The following NTM variants were observed in gnomAD, a reference collection of about 807,000 sequenced individuals.
The protein encoded by NTM is neurotrimin.
A neutral mutation model predicts 42.1 loss-of-function variants in NTM; 13 were observed. The ratio of observed to expected loss-of-function variants is 0.31; its 90% CI spans 0.20 to 0.49. NTM has a LOEUF of 0.49. NTM is among the 20% of genes least tolerant of loss of function. The pLI is 0.99. For synonymous variants in NTM, 187 were observed against 179.2 expected (o/e 1.04, Z -0.35); for missense variants, 373 against 452.8 (o/e 0.82, Z 1.60).
intron 1 of NTM, among the ~76,000 whole-genome samples, chr11:131,615,733 G>T (rs113820846): frequency 3.9e-5 from 6 of 152,122 alleles, no homozygotes; most frequent in African/African-American, 1.2e-4. Context: ...CATGGCTCCC[G>T]TCAGCTCCCA....
intron 3 of NTM, among the ~76,000 whole-genome samples, chr11:132,169,991 A>G (rs139972765): frequency 2.0e-4 from 30 of 152,218 alleles, no homozygotes; most frequent in African/African-American, 7.2e-4. Flanking sequence ...AAAAGAGTGA[A>G]TTTGATTCGC....
chr11:131,976,865 C>T (rs1390753700), intron 2 of NTM, among the ~76,000 whole-genome samples: 1 of 152,174 alleles, frequency 6.6e-6, no homozygotes, highest in East Asian at 1.9e-4. Flanking sequence ...CTCCGGAGCA[C>T]AGGTACATTT....
intron 2 of NTM, among the ~76,000 whole-genome samples, chr11:132,082,789 G>A (rs2059249904): frequency 6.6e-6 from 1 of 152,230 alleles, no homozygotes; most frequent in South Asian, 2.1e-4. Flanking sequence ...TGGGGCCATT[G>A]TTCAAGGCTC....
At chr11:132,047,944 C>T (rs2078247939) in intron 2 of NTM, among the ~76,000 whole-genome samples, 1 of 152,122 alleles carries the variant, frequency 6.6e-6, no homozygotes, top group Non-Finnish European at 1.5e-5. Context: ...CCTTCAATCC[C>T]TAATGCCCTC....
At chr11:132,044,961 A>G (rs957821988) in intron 2 of NTM, among the ~76,000 whole-genome samples, 2 of 152,236 alleles carry the variant, frequency 1.3e-5, no homozygotes, top group Admixed American at 1.3e-4. Context: ...AAGAAGAGAT[A>G]GTACCATTCC....
chr11:132,068,289 A>G (rs1019095961), intron 2 of NTM, among the ~76,000 whole-genome samples: 4 of 152,224 alleles, frequency 2.6e-5, no homozygotes, highest in African/African-American at 4.8e-5. Context: ...ACATTTTACT[A>G]TAAGCAGAAA....
At chr11:131,751,506 C>T (rs551042845) in intron 1 of NTM, among the ~76,000 whole-genome samples, 2 of 151,442 alleles carry the variant, frequency 1.3e-5, no homozygotes, top group East Asian at 2.0e-4. Context: ...AGGAGAATGG[C>T]GTGAACCTGG....
chr11:132,161,159 G>A (rs1018831655), intron 3 of NTM, among the ~76,000 whole-genome samples: 1 of 152,042 alleles, frequency 6.6e-6, no homozygotes, highest in Non-Finnish European at 1.5e-5. Context: ...GTGAGGAGGA[G>A]TTGAGCTCCT....
At chr11:132,043,297 A>G (rs2077451140) in intron 2 of NTM, among the ~76,000 whole-genome samples, 1 of 152,196 alleles carries the variant, frequency 6.6e-6, no homozygotes, top group African/African-American at 2.4e-5. Context: ...TTCAAGCAAT[A>G]TGTGTTCTGG....
intron 1 of NTM, among the ~76,000 whole-genome samples, chr11:131,582,828 T>G (rs1362002399): frequency 2.0e-5 from 3 of 151,696 alleles, no homozygotes; most frequent in Non-Finnish European, 4.4e-5. Context: ...TGAGATTTAC[T>G]GGCGTTTGGG....
intron 1 of NTM, among the ~76,000 whole-genome samples, chr11:131,639,239 C>A (rs1264148399): frequency 1.3e-5 from 2 of 152,172 alleles, no homozygotes; most frequent in African/African-American, 4.8e-5. Context: ...TGTAGACATA[C>A]CATTTGGAAT....
chr11:131,675,963 A>G (rs911019591), intron 1 of NTM, among the ~76,000 whole-genome samples: 1 of 152,114 alleles, frequency 6.6e-6, no homozygotes, highest in East Asian at 1.9e-4. Flanking sequence ...TATGGCTTTC[A>G]CCTTTGGTGT....
intron 1 of NTM, among the ~76,000 whole-genome samples, chr11:131,806,741 C>T (rs762207586): frequency 7.2e-5 from 11 of 152,114 alleles, no homozygotes; most frequent in Non-Finnish European, 5.9e-5. Context: ...TCACAGATGA[C>T]ACACACTCTC....
intron 7 of NTM, among the ~76,000 whole-genome samples, chr11:132,321,489 A>G (rs1235542991): frequency 6.6e-6 from 1 of 152,208 alleles, no homozygotes; most frequent in East Asian, 1.9e-4. Context: ...AAAAGAATAA[A>G]AAGAAACCAG....
At chr11:131,574,558 TTGAGTGTGTG>T (rs1270169690) in intron 1 of NTM, among the ~76,000 whole-genome samples, 1 of 135,464 alleles carries the variant, frequency 7.4e-6, no homozygotes, top group Non-Finnish European at 1.5e-5. Flanking sequence ...GTGTATGTGC[TTGAGTGTGTG>T]TGTGTGTGTG....
At chr11:132,015,806 T>C (rs1371522944) in intron 2 of NTM, among the ~76,000 whole-genome samples, 2 of 151,962 alleles carry the variant, frequency 1.3e-5, no homozygotes, top group Non-Finnish European at 2.9e-5. Context: ...TCAGATCTAA[T>C]AGGTTTTTTG....
chr11:132,177,520 C>G (rs918852097), intron 3 of NTM, among the ~76,000 whole-genome samples: 1 of 152,212 alleles, frequency 6.6e-6, no homozygotes, highest in Non-Finnish European at 1.5e-5. Context: ...TTATTACCTT[C>G]ACTTTGCTAA....
intron 1 of NTM, 50 bp downstream of exon 1, chr11:131,370,938 T>C: frequency 6.2e-7 from 1 of 1,605,338 alleles, no homozygotes; most frequent in Non-Finnish European, 8.5e-7. Context: ...AATTGTACAG[T>C]GTGCTTTATA....
chr11:131,580,142 T>C (rs1381188185), intron 1 of NTM, among the ~76,000 whole-genome samples: 1 of 152,182 alleles, frequency 6.6e-6, no homozygotes, highest in Non-Finnish European at 1.5e-5. Flanking sequence ...GGCCGCCATC[T>C]GTCTTCATTT....
Sources: allele counts gnomAD v4.1 joint callset (sites outside exome capture counted in the v4.1 genomes callset), GRCh38; gene constraint gnomAD v4.1.1; transcripts MANE v1.5; gene names NCBI Gene and HGNC (gene_info 2026-07-23, HGNC 2026-07-21).